Variants in ATRNL1 observed in about 807,000 individuals in gnomAD.
ATRNL1 encodes the protein attractin like 1, also known as attractin-like protein 1.
A neutral mutation model predicts 182.7 loss-of-function variants in ATRNL1; 95 were observed. The observed-to-expected ratio is 0.52, with a 90% CI of 0.44 to 0.62. ATRNL1 has a LOEUF of 0.62. Ranked by LOEUF, ATRNL1 falls within the 20% of genes least tolerant of loss-of-function variation. The probability of loss-of-function intolerance (pLI) is 0.00; values close to 1 mark genes in which losing one functional copy is unlikely to be tolerated. For missense variants in ATRNL1, 1,471 were observed against 1,679.5 expected, an observed-to-expected ratio of 0.88 and a Z score of 2.17; for synonymous variants, 576 against 568.3, an observed-to-expected ratio of 1.01 and a Z score of -0.19.
chr10:115,196,792 T>C (rs1484210986), intron 8 of ATRNL1, among the ~76,000 whole-genome samples: 3 of 152,138 alleles, frequency 2.0e-5, no homozygotes, highest in Non-Finnish European at 4.4e-5. Context: ...TATTAATATC[T>C]GTAGCCCATT....
At position 115,175,953 on chromosome 10, in the gene ATRNL1, A is replaced by G. The variant is rs1271628247; in HGVS notation, c.1348+4661A>G. Among the ~76,000 whole-genome samples the G allele has an allele frequency of 2.0e-5, 3 of 152,144 alleles. No individual in the cohort carries two copies. The South Asian group carries it at 6.2e-4, about 32-fold the overall frequency. ...AGTGTAAAAGTGTTCCTGTTTCTCC[A>G]CATCCTCTCCAGCACCTGTTGTTTC... On this transcript the variant is annotated intron_variant, in intron 8 of 28. Coordinates refer to ENST00000355044, the MANE Select transcript of ATRNL1 (RefSeq NM_207303.4).
chr10:115,793,647 A>T (rs1356075982), intron 27 of ATRNL1, among the ~76,000 whole-genome samples: 1 of 152,160 alleles, frequency 6.6e-6, no homozygotes, highest in African/African-American at 2.4e-5. Context: ...GAATAGCTGT[A>T]ATACCAATTA....
intron 10 of ATRNL1, 103 bp from the exon 11 acceptor site, chr10:115,265,090 T>C (rs1019945981): frequency 1.6e-6 from 1 of 640,686 alleles, no homozygotes; most frequent in Admixed American, 2.9e-5. Flanking sequence ...TGCTTCCTGC[T>C]TATGCATAGT....
intron 5 of ATRNL1, among the ~76,000 whole-genome samples, chr10:115,130,032 G>A (rs181446857): frequency 6.6e-6 from 1 of 152,206 alleles, no homozygotes; most frequent in Non-Finnish European, 1.5e-5. Context: ...GCCTATTGCA[G>A]AAGTCAGATA....
intron 21 of ATRNL1, among the ~76,000 whole-genome samples, chr10:115,438,532 C>T (rs1328093018): frequency 2.0e-5 from 3 of 151,924 alleles, no homozygotes; most frequent in Admixed American, 1.3e-4. Flanking sequence ...CTTCTTTAAA[C>T]ATCTTGTATA....
chr10:115,764,673 TG>T (rs1948813483), intron 27 of ATRNL1, among the ~76,000 whole-genome samples: 1 of 152,136 alleles, frequency 6.6e-6, no homozygotes, highest in South Asian at 2.1e-4. Flanking sequence ...TTTGTTTGTT[TG>T]TTTTTTTGTT....
Position 115,123,822 on chromosome 10 carries a change from G to A in ATRNL1, c.491+2010G>A, listed in dbSNP as rs1460943962. ...CTCCACCTTCTGTCAGATCAGCAGC[G>A]GCATTAGATTGTCATAGGAGTACAG... is the stretch of plus-strand genomic sequence containing the variant. On this transcript the variant is annotated intron_variant, in intron 3 of 28. Transcript: ENST00000355044. Among the ~76,000 whole-genome samples, 10 of 151,906 alleles carry A rather than the reference G, an allele frequency of 6.6e-5. No homozygotes were observed. In the South Asian group the frequency reaches 8.3e-4, roughly 13 times the overall value.
At chr10:115,743,559 A>T (rs146617868) in intron 27 of ATRNL1, among the ~76,000 whole-genome samples, 1 of 152,314 alleles carries the variant, frequency 6.6e-6, no homozygotes, top group East Asian at 1.9e-4. Context: ...TATAGAAATT[A>T]TGTAGGAGCA....
chr10:115,364,054 A>G (rs1329341607), intron 19 of ATRNL1, among the ~76,000 whole-genome samples: 3 of 150,820 alleles, frequency 2.0e-5, no homozygotes, highest in Admixed American at 6.6e-5. Flanking sequence ...AATTCTGTGA[A>G]GAAAGTCATT....
chr10:115,538,111 T>G (rs1852145257), intron 25 of ATRNL1, among the ~76,000 whole-genome samples: 1 of 152,216 alleles, frequency 6.6e-6, no homozygotes, highest in Non-Finnish European at 1.5e-5. Context: ...CATTGAGAGA[T>G]ATGGATTGTT....
At chr10:115,817,931 C>T (rs573025759) in intron 27 of ATRNL1, among the ~76,000 whole-genome samples, 1 of 143,226 alleles carries the variant, frequency 7.0e-6, no homozygotes, top group South Asian at 2.2e-4. Flanking sequence ...TTGAAGTTAT[C>T]GTGGCTCCAA....
chr10:115,222,653 T>A (rs1369441880), intron 9 of ATRNL1, among the ~76,000 whole-genome samples: 3 of 152,182 alleles, frequency 2.0e-5, no homozygotes, highest in Non-Finnish European at 4.4e-5. Context: ...TGTTTTCAAA[T>A]AGCTTAAAGA....
intron 26 of ATRNL1, among the ~76,000 whole-genome samples, chr10:115,674,113 T>C (rs1945786602): frequency 6.6e-6 from 1 of 152,040 alleles, no homozygotes; most frequent in South Asian, 2.1e-4. Context: ...CCAGAAGAAA[T>C]ATATTGCCAC....
Position 115,282,641 on chromosome 10 carries a change from G to A in ATRNL1, c.2233+1154G>A, listed in dbSNP as rs147083623. Among the ~76,000 whole-genome samples, 265 of 152,160 alleles carry A rather than the reference G, an allele frequency of 1.7e-3. 2 individuals carry two copies. Among genetic ancestry groups the A allele is most frequent in the Middle Eastern group, 0.017 (5 of 294 alleles). The stretch of plus-strand genomic sequence containing the variant: ...ATTAGAAAATTGAAAGGTAATACAG[G>A]CATTTAACCAGTTCTGCTTGTTATA... On this transcript the variant is annotated intron_variant, in intron 14 of 28. Coordinates refer to ENST00000355044, the MANE Select transcript of ATRNL1 (RefSeq NM_207303.4).
intron 18 of ATRNL1, among the ~76,000 whole-genome samples, chr10:115,320,639 G>A (rs1592443572): frequency 6.6e-6 from 1 of 151,918 alleles, no homozygotes; most frequent in Admixed American, 6.6e-5. Flanking sequence ...TTTCAGCAAG[G>A]TGGTCTTCAA....
chr10:115,334,286 C>T lies in ATRNL1; in HGVS notation c.3042C>T (p.Cys1014=). The change falls in exon 19 of 29, where the codon TGC becomes TGT. Residue 1014 remains cysteine (C), a synonymous_variant. Transcript: ENST00000355044. ...GCTTTTTACTGTTTCCTTTAGCTTGCCAGTGTAATGGACATAGCACTTGCA... is the reference window on the plus strand; with the variant it reads ...GCTTTTTACTGTTTCCTTTAGCTTGTCAGTGTAATGGACATAGCACTTGCA... ...YEWSFIQCPA[C]QCNGHSTCIN... is the part of the protein sequence containing the mutation. 2 of 1,521,616 alleles carry T rather than the reference C, an allele frequency of 1.3e-6. No individual in the cohort carries two copies. Among genetic ancestry groups the T allele is most frequent in the South Asian group, 2.6e-5 (2 of 77,936 alleles). 94.3% of individuals were successfully genotyped at this position (1,521,616 alleles called of 1,614,324 possible). A position where few individuals can be genotyped will look rare whatever the true frequency, so the allele number is the denominator to read the frequency against.
chr10:115,815,107 C>A (rs1465234468), intron 27 of ATRNL1, among the ~76,000 whole-genome samples: 1 of 151,980 alleles, frequency 6.6e-6, no homozygotes, highest in Admixed American at 6.6e-5. Context: ...AAACAAACAC[C>A]ACAAAATTAA....
At chr10:115,284,336 TC>T (rs1257177190) in intron 14 of ATRNL1, among the ~76,000 whole-genome samples, 1 of 152,216 alleles carries the variant, frequency 6.6e-6, no homozygotes, top group Non-Finnish European at 1.5e-5. Flanking sequence ...GCAATAATAA[TC>T]TAAATTCTTC....
chr10:115,422,092 C>T (rs2134379295), intron 20 of ATRNL1, among the ~76,000 whole-genome samples: 2 of 152,198 alleles, frequency 1.3e-5, no homozygotes, highest in South Asian at 4.2e-4. Context: ...TATAAAAACC[C>T]TGAAGGATAA....
Sources: gnomAD v4.1 joint callset for allele counts (sites outside exome capture counted in the v4.1 genomes callset) on GRCh38, gnomAD v4.1.1 for gene constraint, MANE v1.5 for transcripts, NCBI Gene and HGNC (gene_info 2026-07-23, HGNC 2026-07-21) for gene names.